Variants in RYR1 observed in about 807,000 individuals in gnomAD.
The protein encoded by RYR1 is ryanodine receptor 1, also known as central core disease of muscle.
Under a neutral mutation model 583.5 loss-of-function variants are expected in RYR1, and 342 were observed. The observed-to-expected ratio is 0.59, with a 90% CI of 0.54 to 0.64. RYR1 has a LOEUF of 0.64. Among genes scored for constraint, RYR1 ranks in the 30% least tolerant of loss-of-function variants. The pLI, the probability that RYR1 is intolerant of heterozygous loss-of-function variation, is 0.00. For synonymous variants in RYR1, 2,791 were observed against 2,822.5 expected (o/e 0.99, Z 0.35); for missense variants, 6,032 against 6,917.2 (o/e 0.87, Z 4.54).
At chr19:38,557,772 C>G (rs1972942974) in intron 89 of RYR1, among the ~76,000 whole-genome samples, 1 of 151,396 alleles carries the variant, frequency 6.6e-6, no homozygotes, top group Non-Finnish European at 1.5e-5. Context: ...TCATTGCACT[C>G]CAGCCTGGGT....
intron 99 of RYR1, among the ~76,000 whole-genome samples, chr19:38,579,388 G>A: frequency 6.7e-6 from 1 of 148,712 alleles, no homozygotes; most frequent in Admixed American, 6.8e-5. Flanking sequence ...TTGCAACACT[G>A]CACTCCAGCC....
Position 38,534,746 on chromosome 19 carries a change from C to G in RYR1, c.11286C>G (p.Leu3762=). The G allele has an allele frequency of 6.2e-7, 1 of 1,614,040 alleles. No homozygotes were observed. Among genetic ancestry groups the G allele is most frequent in the Non-Finnish European group, 8.5e-7 (1 of 1,179,998 alleles). The change falls in exon 79 of 106, where the codon CTC becomes CTG. Residue 3762 remains leucine, a synonymous_variant. Transcript: ENST00000359596. ...FEEKQMEKQR[L]LYQQARLHTR... is the part of the protein sequence containing the mutation. ...AGAAACAGATGGAGAAGCAGAGGCT[C>G]TTGTACCAGCAAGCACGGCTGCACA... is the stretch of plus-strand genomic sequence containing the variant.
rs1030250376 is a variant in RYR1 at position 38,496,346 on chromosome 19, G to A, written c.6663+17G>A. 3.7e-6 allele frequency: 6 copies of A among 1,613,884 alleles called. No individual in the cohort carries two copies. In the East Asian group the frequency reaches 1.3e-4, roughly 36 times the overall value. On this transcript the variant is annotated intron_variant, in intron 40 of 105. Transcript: ENST00000359596. This position sits in a 1 kb window ranked among gnomAD's most constrained non-coding sequence, Gnocchi z 4.8. Reference sequence around the variant, plus strand: ...GAGTCCAAGGTGAGGGCCCAGGCAGGTGCTGGGGAGCTCAGGGGAGGCAGC... The same window carrying A: ...GAGTCCAAGGTGAGGGCCCAGGCAGATGCTGGGGAGCTCAGGGGAGGCAGC...
chr19:38,474,716 AGGTGTGTGCCAC>A, intron 28 of RYR1, among the ~76,000 whole-genome samples: 1 of 151,156 alleles, frequency 6.6e-6, no homozygotes, highest in Non-Finnish European at 1.5e-5. Flanking sequence ...CTGGGACTAC[AGGTGTGTGCCAC>A]CACACCCGGC....
In RYR1 at chr19:38,512,245, G is replaced by A. The variant is rs760538610; in HGVS notation, c.9234G>A (p.Arg3078=). 4 of 1,614,202 alleles carry A rather than the reference G, an allele frequency of 2.5e-6. No individual in the cohort carries two copies. The South Asian group carries it at 3.3e-5, about 13-fold the overall frequency. The change falls in exon 63 of 106, where the codon AGG becomes AGA. Residue 3078 remains arginine (R), a splice_region_variant and synonymous_variant. Transcript: ENST00000359596. The surrounding 1 kb of genome is among the most constrained non-coding windows in gnomAD (Gnocchi z 5.1). ...LHILARSLDA[R]TVMKSGPEIV... ...TGATGTTCCCCCGCTGCCCTTCTAG[G>A]ACAGTGATGAAGTCAGGCCCTGAGA...
chr19:38,513,291 C>T (rs371678991), intron 63 of RYR1, among the ~76,000 whole-genome samples: 5 of 151,842 alleles, frequency 3.3e-5, no homozygotes, highest in East Asian at 2.0e-4. Flanking sequence ...GCACCAAGAT[C>T]GTGCCATTGC....
rs748584800 is a variant in RYR1 at position 38,490,677 on chromosome 19, T to C, written c.6072T>C (p.Pro2024=). The change falls in exon 37 of 106, where the codon CCT becomes CCC. Residue 2024 remains proline, a synonymous_variant. Coordinates refer to ENST00000359596, the MANE Select transcript of RYR1 (RefSeq NM_000540.3). ...CAGATGAGGAAGACTGTCCTCTCCC[T>C]GAAGAGATTCGACAGGATTTGCTTG... ...DGTDEEDCPL[P]EEIRQDLLDF... The C allele has an allele frequency of 1.2e-5, 19 of 1,613,984 alleles. No individual in the cohort carries two copies. Among genetic ancestry groups the C allele is most frequent in the Non-Finnish European group, 1.5e-5 (18 of 1,179,820 alleles).
At chr19:38,532,188 G>A (rs1971767350) in intron 76 of RYR1, among the ~76,000 whole-genome samples, 2 of 149,152 alleles carry the variant, frequency 1.3e-5, no homozygotes, top group South Asian at 2.1e-4. Flanking sequence ...GTGGCGCAAT[G>A]TCAGCTCACT....
chr19:38,445,258 C>G (rs574184151), intron 7 of RYR1, among the ~76,000 whole-genome samples: 18 of 148,510 alleles, frequency 1.2e-4, no homozygotes, highest in African/African-American at 4.5e-4. Flanking sequence ...AATTAAACTC[C>G]TTAGACAATA....
chr19:38,486,811 C>T (rs1286091383), intron 34 of RYR1, among the ~76,000 whole-genome samples: 1 of 152,110 alleles, frequency 6.6e-6, no homozygotes, highest in East Asian at 1.9e-4. Flanking sequence ...CCTCCACCAG[C>T]CTTTCCATCC....
At chr19:38,575,648 C>T (rs1360355385) in intron 96 of RYR1, among the ~76,000 whole-genome samples, 1 of 151,860 alleles carries the variant, frequency 6.6e-6, no homozygotes, top group South Asian at 2.1e-4. Flanking sequence ...ACTAAAAATA[C>T]GAAAATTAGC....
Position 38,492,438 on chromosome 19 carries a change from G to A in RYR1, c.6128-52G>A. On this transcript the variant is annotated intron_variant, in intron 37 of 105. Transcript: ENST00000359596. ...CACAAATAAATGAGTGTGTAAGCAG[G>A]TGAATAAGCAAACTAATGAATGACA... The A allele has an allele frequency of 1.9e-6, 3 of 1,605,092 alleles. No homozygotes were observed. The South Asian group carries it at 3.3e-5, about 18-fold the overall frequency.
At chr19:38,465,510 A>G (rs1034084360) in intron 23 of RYR1, among the ~76,000 whole-genome samples, 1 of 152,092 alleles carries the variant, frequency 6.6e-6, no homozygotes, top group African/African-American at 2.4e-5. Context: ...CACGCCTGTA[A>G]TCCGAGCACT....
chr19:38,585,886 G>T, intron 102 of RYR1, 52 bp from the exon 103 acceptor site: 1 of 1,606,918 alleles, frequency 6.2e-7, no homozygotes, highest in Non-Finnish European at 8.5e-7. Flanking sequence ...GGAGAGGGGG[G>T]AGTCTGAACC....
Position 38,505,384 on chromosome 19 carries a change from A to T in RYR1, c.8386A>T (p.Thr2796Ser), listed in dbSNP as rs780567684. Residue 2796 changes from threonine (T) to serine (S), a missense_variant, in exon 53 of 106, where the codon ACC becomes TCC. Coordinates refer to ENST00000359596, the MANE Select transcript of RYR1 (RefSeq NM_000540.3). Reference sequence around the variant, plus strand: ...CCACCCCATGCTGAGGCCCTACAAGACCTTTTCAGAGAAGGTGACCAGGCC... The same window carrying T: ...CCACCCCATGCTGAGGCCCTACAAGTCCTTTTCAGAGAAGGTGACCAGGCC... ...KTHPMLRPYK[T>S]FSEKDKEIYR... 10 of 1,609,430 alleles carry T rather than the reference A, an allele frequency of 6.2e-6. No individual in the cohort carries two copies. Among genetic ancestry groups the T allele is most frequent in the Non-Finnish European group, 8.5e-6 (10 of 1,177,382 alleles).
intron 20 of RYR1, among the ~76,000 whole-genome samples, chr19:38,462,694 G>C (rs901985060): frequency 6.6e-5 from 10 of 152,170 alleles, no homozygotes; most frequent in Non-Finnish European, 1.5e-4. Context: ...CTCATACGGA[G>C]AAGGAAGGAG....
chr19:38,523,677 T>A (rs1971326501), intron 69 of RYR1: 1 of 619,418 alleles, frequency 1.6e-6, no homozygotes, highest in Non-Finnish European at 2.9e-6. Context: ...TTCCATTTCT[T>A]TCTTCCTCTC....
At chr19:38,551,330 G>A (rs1972660542) in intron 89 of RYR1, among the ~76,000 whole-genome samples, 2 of 151,736 alleles carry the variant, frequency 1.3e-5, no homozygotes, top group Non-Finnish European at 2.9e-5. Flanking sequence ...TGATCCGCCC[G>A]CCTCAGCCTC....
chr19:38,562,677 C>T (rs1368234979), intron 90 of RYR1, among the ~76,000 whole-genome samples: 14 of 152,144 alleles, frequency 9.2e-5, no homozygotes, highest in East Asian at 3.9e-4. Context: ...GCCTGCCTCA[C>T]GCACACTGCA....
Sources: allele counts gnomAD v4.1 joint callset (sites outside exome capture counted in the v4.1 genomes callset), GRCh38; gene constraint gnomAD v4.1.1; non-coding constraint Gnocchi (gnomAD v3.1); transcripts MANE v1.5; gene names NCBI Gene and HGNC (gene_info 2026-07-23, HGNC 2026-07-21).